The following MEIG1 variants were observed in gnomAD, a reference collection of about 807,000 sequenced individuals.
The protein encoded by MEIG1 is meiosis expressed gene 1 protein homolog.
In MEIG1, 12 loss-of-function variants were observed where a neutral mutation model predicts 11.3. The observed-to-expected ratio is 1.07, with a 90% CI of 0.68 to 1.73. The LOEUF is 1.73. MEIG1 is among the 40% of genes most tolerant of loss of function. The pLI is 0.00. For synonymous variants in MEIG1, 41 were observed against 33.2 expected, an observed-to-expected ratio of 1.24 and a Z score of -0.81; for missense variants, 119 against 104.9, an observed-to-expected ratio of 1.13 and a Z score of -0.59.
At position 14,964,294 on chromosome 10, in the gene MEIG1, G is replaced by T. The variant is rs1223437392; in HGVS notation, c.-29-2146G>T. On this transcript the variant is annotated intron_variant, in intron 1 of 2. Coordinates refer to ENST00000407572, the MANE Select transcript of MEIG1 (RefSeq NM_001080836.3). ...TACCAACCACTAAGGGAACATTTAG[G>T]CTACATCTTTCATATTGAAGAAATA... Among the ~76,000 whole-genome samples the T allele has an allele frequency of 1.3e-5, 2 of 151,768 alleles. 1 individual carries two copies. The highest frequency in any genetic ancestry group is 4.8e-5 in the African/African-American group (2 of 41,322).
intron 1 of MEIG1, among the ~76,000 whole-genome samples, chr10:14,965,359 T>C (rs573222793): frequency 6.6e-6 from 1 of 152,342 alleles, no homozygotes; most frequent in East Asian, 1.9e-4. Flanking sequence ...AAAAACTTGC[T>C]ATGGAAGTTC....
chr10:14,981,396 G>C (rs959006316), intron 1 of MEIG1, among the ~76,000 whole-genome samples: 3 of 152,142 alleles, frequency 2.0e-5, no homozygotes, highest in Admixed American at 6.5e-5. Context: ...GCAAGGTCAA[G>C]GGACGGTCTG....
At chr10:14,982,767 TAAC>T (rs1439852501) in intron 1 of MEIG1, among the ~76,000 whole-genome samples, 1 of 152,098 alleles carries the variant, frequency 6.6e-6, no homozygotes, top group African/African-American at 2.4e-5. Context: ...TTATCAATAT[TAAC>T]AACTGATCAT....
In MEIG1 at chr10:14,966,509, C is replaced by T; in HGVS notation, c.41C>T (p.Ala14Val). Residue 14 changes from alanine to valine, a missense_variant, in exon 2 of 3, where the codon GCC (alanine) becomes GTC (valine). By Grantham distance (64) the Ala-to-Val change is moderately conservative. Coordinates refer to ENST00000407572, the MANE Select transcript of MEIG1 (RefSeq NM_001080836.3). ...SDVKPKSVSH[A>V]KKWSEEIENL... ...GTAAAACCAAAATCAGTAAGTCATGCCAAAAAATGGTCAGAAGAGATAGAA... is the reference window on the plus strand; with the variant it reads ...GTAAAACCAAAATCAGTAAGTCATGTCAAAAAATGGTCAGAAGAGATAGAA... The T allele has an allele frequency of 1.2e-6, 2 of 1,611,390 alleles. No homozygotes were observed. The highest frequency in any genetic ancestry group is 1.7e-6 in the Non-Finnish European group (2 of 1,178,882).
At chr10:14,975,549 C>T (rs183099075), downstream of MEIG1, among the ~76,000 whole-genome samples, 107 of 152,116 alleles carry the variant, frequency 7.0e-4, no homozygotes, top group African/African-American at 2.5e-3. Context: ...TGATAATACC[C>T]CCCATACCGC....
downstream of MEIG1, among the ~76,000 whole-genome samples, chr10:14,974,655 TATA>T (rs1391245381): frequency 6.6e-6 from 1 of 152,150 alleles, no homozygotes; most frequent in Non-Finnish European, 1.5e-5. Flanking sequence ...TAACTGATCA[TATA>T]ATTCTTAAAA....
chr10:14,984,890 A>G, intron 1 of MEIG1, among the ~76,000 whole-genome samples: 1 of 152,030 alleles, frequency 6.6e-6, no homozygotes, highest in East Asian at 1.9e-4. Context: ...TACACGCTTC[A>G]ATATTCTTCA....
intron 1 of MEIG1, among the ~76,000 whole-genome samples, chr10:14,966,188 C>T: frequency 6.6e-6 from 1 of 151,618 alleles, no homozygotes. Context: ...CTCAGCTGCC[C>T]CAGTAGCTGG....
chr10:14,965,964 G>T (rs1471331622), intron 1 of MEIG1, among the ~76,000 whole-genome samples: 1 of 151,756 alleles, frequency 6.6e-6, no homozygotes, highest in African/African-American at 2.4e-5. Flanking sequence ...ACAAAATAGA[G>T]CATGAATCCT....
At chr10:14,985,955 C>T (rs1843314441) in intron 1 of MEIG1, among the ~76,000 whole-genome samples, 1 of 152,016 alleles carries the variant, frequency 6.6e-6, no homozygotes, top group African/African-American at 2.4e-5. Context: ...GTAAATATTA[C>T]TCCTCATATC....
intron 1 of MEIG1, among the ~76,000 whole-genome samples, chr10:14,979,028 T>A (rs770820932): frequency 1.3e-5 from 2 of 152,066 alleles, no homozygotes; most frequent in Non-Finnish European, 2.9e-5. Context: ...TTATTCGTAA[T>A]ATCCTGGTGG....
At chr10:14,979,332 C>T (rs369008107) in intron 1 of MEIG1, among the ~76,000 whole-genome samples, 1 of 151,800 alleles carries the variant, frequency 6.6e-6, no homozygotes, top group South Asian at 2.1e-4. Flanking sequence ...CTCCTAAAGT[C>T]ACAGGAGGTG....
rs542019636 is a variant in MEIG1 at position 14,984,901 on chromosome 10, T to TAATATTCC, written n.67-1893_67-1886dup. 4.6e-5 allele frequency among the ~76,000 whole-genome samples: 7 copies of TAATATTCC among 152,126 alleles called. No homozygotes were observed. The South Asian group carries it at 1.5e-3, about 32-fold the overall frequency. The stretch of plus-strand genomic sequence containing the variant: ...CCTGTACACGCTTCAATATTCTTCA[T>TAATATTCC]AATATTCCAGGAAAACATTACTGCT... On this transcript the variant is annotated intron_variant and non_coding_transcript_variant, in intron 1 of 2. Transcript: ENST00000467536.
In MEIG1 at chr10:14,980,155, A is replaced by G. The variant is rs181034879; in HGVS notation, n.67-6641A>G. 7.9e-5 allele frequency among the ~76,000 whole-genome samples: 12 copies of G among 152,084 alleles called. No individual in the cohort carries two copies. In the East Asian group the frequency reaches 2.3e-3, roughly 29 times the overall value. ...AATATCCTAAGGGGATGTTACGCCT[A>G]TTGTCACAGGGGGTGTGGTTTCTGT... On this transcript the variant is annotated intron_variant and non_coding_transcript_variant, in intron 1 of 2. Transcript: ENST00000467536.
At chr10:14,964,629 A>G (rs1296768365) in intron 1 of MEIG1, among the ~76,000 whole-genome samples, 1 of 111,164 alleles carries the variant, frequency 9.0e-6, no homozygotes, top group Non-Finnish European at 1.8e-5. Context: ...ACACATATAT[A>G]TGTATACTTT....
chr10:14,961,627 G>A (rs987494629), intron 1 of MEIG1, among the ~76,000 whole-genome samples: 17 of 63,378 alleles, frequency 2.7e-4, no homozygotes, highest in Admixed American at 7.3e-4. Flanking sequence ...AGCCGCCACC[G>A]CATCCGGCTA....
chr10:14,972,447 T>C, intron 2 of MEIG1, 66 bp from the exon 3 acceptor site: 2 of 1,597,016 alleles, frequency 1.3e-6, no homozygotes, highest in Non-Finnish European at 1.7e-6. Flanking sequence ...AACTATTTGA[T>C]AGTAAAATAT....
rs371408578 is a variant in MEIG1 at position 14,966,921 on chromosome 10, C to T, written c.138+315C>T. 5.9e-5 allele frequency among the ~76,000 whole-genome samples: 9 copies of T among 152,046 alleles called. No individual in the cohort carries two copies. In the South Asian group the frequency reaches 6.2e-4, roughly 11 times the overall value. On this transcript the variant is annotated intron_variant, in intron 2 of 2. Coordinates refer to ENST00000407572, the MANE Select transcript of MEIG1 (RefSeq NM_001080836.3). ...GCTAATTTTTGTATTTTTGTAGAGA[C>T]GGGATTTTGCCGTGTTTGGCCAGGC...
At chr10:14,979,822 T>A (rs1843246938) in intron 1 of MEIG1, among the ~76,000 whole-genome samples, 1 of 151,968 alleles carries the variant, frequency 6.6e-6, no homozygotes, top group Non-Finnish European at 1.5e-5. Flanking sequence ...TCACAATATG[T>A]GAGGGAGGTA....
Sources: gnomAD v4.1 joint callset for allele counts (sites outside exome capture counted in the v4.1 genomes callset) on GRCh38, gnomAD v4.1.1 for gene constraint, MANE v1.5 for transcripts, NCBI Gene and HGNC (gene_info 2026-07-23, HGNC 2026-07-21) for gene names.